Variants in SLC35F5 observed in about 807,000 individuals in gnomAD.
SLC35F5 encodes the protein solute carrier family 35 member F5.
Under a neutral mutation model 68.6 loss-of-function variants are expected in SLC35F5, and 54 were observed. The observed-to-expected ratio is 0.79, with a 90% CI of 0.63 to 0.99. The LOEUF is 0.99. Among genes scored for constraint, SLC35F5 ranks in the 50% least tolerant of loss-of-function variants. SLC35F5 has a pLI of 0.00. For synonymous variants in SLC35F5, 211 were observed against 205.2 expected, an observed-to-expected ratio of 1.03 and a Z score of -0.24; for missense variants, 567 against 626.9, an observed-to-expected ratio of 0.90 and a Z score of 1.02.
Position 113,719,284 on chromosome 2 carries a change from C to CA in SLC35F5, c.1365dup (p.Ala456CysfsTer20). On this transcript the variant is annotated frameshift_variant, in exon 14 of 16. Transcript: ENST00000245680. LOFTEE classifies it high-confidence loss of function. ...GAAAAAAATACAGGGATAGCTCCTG[C>CA]AAAAAATAACCAAGAAAACTGCACC... is the stretch of plus-strand genomic sequence containing the variant. 6.4e-7 allele frequency: 1 copy of CA among 1,555,410 alleles called. No homozygotes were observed. The highest frequency in any genetic ancestry group is 2.1e-5 in the Admixed American group (1 of 47,702).
At chr2:113,719,424 C>A in intron 13 of SLC35F5, 116 bp from the exon 14 acceptor site, 1 of 800,842 alleles carries the variant, frequency 1.2e-6, no homozygotes, top group Non-Finnish European at 1.9e-6. Context: ...AATGGGAAGA[C>A]AAAATTAAAC....
chr2:113,740,883 C>G (rs907415298), intron 7 of SLC35F5, among the ~76,000 whole-genome samples: 3 of 152,120 alleles, frequency 2.0e-5, no homozygotes, highest in African/African-American at 7.2e-5. Flanking sequence ...CCTCAGCCTC[C>G]CAAAGTGCTG....
chr2:113,725,525 A>C lies in SLC35F5; in HGVS notation c.1103T>G (p.Leu368Trp). The change falls in exon 12 of 16, where the codon TTG (leucine) becomes TGG (tryptophan). Residue 368 changes from leucine (L) to tryptophan (W), a missense_variant. Physicochemically the swap from Leu to Trp is moderately conservative, Grantham distance 61. Coordinates refer to ENST00000245680, the MANE Select transcript of SLC35F5 (RefSeq NM_025181.5). ...TGGCCATAAGAGCAGCAGATTAAACAAACCTACAAAACCTGAACATGTATA... is the reference window on the plus strand; with the variant it reads ...TGGCCATAAGAGCAGCAGATTAAACCAACCTACAAAACCTGAACATGTATA... ...DIPMFFGFVG[L>W]FNLLLLWPGF... 6.3e-7 allele frequency: 1 copy of C among 1,577,234 alleles called. No individual in the cohort carries two copies. The highest frequency in any genetic ancestry group is 1.2e-5 in the South Asian group (1 of 84,408).
chr2:113,754,167 G>C (rs934212481), intron 3 of SLC35F5, among the ~76,000 whole-genome samples: 3 of 151,896 alleles, frequency 2.0e-5, no homozygotes, highest in Non-Finnish European at 2.9e-5. Flanking sequence ...GGGTGTGCCT[G>C]TAATCCCAGC....
In SLC35F5 at chr2:113,756,386, G is replaced by T; in HGVS notation, c.24C>A (p.Arg8=). The stretch of plus-strand genomic sequence containing the variant: ...CCTGCCTACCTGGCCTTCCTGCCCC[G>T]CGATGGCGTCGTGGCGGCACCATGA... MVPPRRH[R]GAGRPGVLSS... is the part of the protein sequence containing the mutation. Residue 8 remains arginine, a synonymous_variant, in exon 1 of 16, where the codon CGC becomes CGA. Transcript: ENST00000245680. The T allele has an allele frequency of 6.4e-7, 1 of 1,568,622 alleles. No individual in the cohort carries two copies.
At chr2:113,735,709 T>TAC (rs1480482494) in intron 8 of SLC35F5, 68 bp downstream of exon 8, 1 of 1,004,176 alleles carries the variant, frequency 1.0e-6, no homozygotes, top group Non-Finnish European at 1.5e-6. Context: ...GTTGTACATG[T>TAC]ACACACATAT....
Position 113,713,883 on chromosome 2 carries a change from GTAAC to G in SLC35F5, c.*1331_*1334del. The G allele has an allele frequency of 6.6e-6, 1 of 152,136 alleles. No homozygotes were observed. The highest frequency in any genetic ancestry group is 2.4e-5 in the African/African-American group (1 of 41,498). The allele number at this position is 152,136 out of a possible 1,614,324, so 9.4% of individuals were successfully genotyped here. ...GGCTAAACTTCATTTTAGACTCATG[GTAAC>G]ACCAAAGCAATTTTAAGAATGTGAA... On this transcript the variant is annotated 3_prime_UTR_variant, in exon 16 of 16. Transcript: ENST00000245680.
downstream of SLC35F5, among the ~76,000 whole-genome samples, chr2:113,704,352 C>T (rs6724080): frequency 0.48 from 73,713 of 152,126 alleles, 18,510 homozygotes; most frequent in Middle Eastern, 0.67. Context: ...GGAGCCCAGC[C>T]GGCTTCACCC....
At chr2:113,740,346 TTG>T (rs1486860284) in intron 7 of SLC35F5, among the ~76,000 whole-genome samples, 1 of 152,148 alleles carries the variant, frequency 6.6e-6, no homozygotes, top group Non-Finnish European at 1.5e-5. Context: ...ACACAGCTTA[TTG>T]TCTGTTAAAA....
rs1445196059 is a variant in SLC35F5 at position 113,709,907 on chromosome 2, G to A, written c.*5311C>T. On this transcript the variant is annotated 3_prime_UTR_variant, in exon 16 of 16. Transcript: ENST00000245680. ...ACTCACTGCAGCCTCGAACTCCTGG[G>A]TTCAAGTGATCCTCCTGCCTCAGAC... is the stretch of plus-strand genomic sequence containing the variant. Among the ~76,000 whole-genome samples, 1 of 152,180 alleles carries A rather than the reference G, an allele frequency of 6.6e-6. No homozygotes were observed. The highest frequency in any genetic ancestry group is 1.5e-5 in the Non-Finnish European group (1 of 68,028).
chr2:113,725,700 C>G, intron 11 of SLC35F5, 163 bp from the exon 12 acceptor site: 1 of 540,680 alleles, frequency 1.8e-6, no homozygotes, highest in Non-Finnish European at 3.2e-6. Flanking sequence ...GTGAATAGCT[C>G]AACGCCATAG....
In SLC35F5 at chr2:113,742,894, C is replaced by T; in HGVS notation, c.563-15G>A. 1 of 1,597,578 alleles carries T rather than the reference C, an allele frequency of 6.3e-7. No individual in the cohort carries two copies. On this transcript the variant is annotated splice_polypyrimidine_tract_variant and intron_variant, in intron 6 of 15. Transcript: ENST00000245680. The stretch of plus-strand genomic sequence containing the variant: ...CTTTTTGGGGGCTTAAAAGGAAGAG[C>T]ATAATATGAAATAATTAAATAATTC...
intron 5 of SLC35F5, among the ~76,000 whole-genome samples, chr2:113,744,630 A>G (rs1353650885): frequency 2.0e-5 from 3 of 152,138 alleles, no homozygotes; most frequent in Non-Finnish European, 4.4e-5. Flanking sequence ...GTGTGCCTGT[A>G]ATCCCAGCTA....
At chr2:113,749,371 A>G (rs13410586) in intron 4 of SLC35F5, among the ~76,000 whole-genome samples, 22,173 of 152,102 alleles carry the variant, frequency 0.15, 1,747 homozygotes, top group African/African-American at 0.2. Context: ...GTGGTGTTGC[A>G]TGGCTACGTA....
At chr2:113,755,628 C>A in intron 1 of SLC35F5, 84 bp from the exon 2 acceptor site, 2 of 1,319,300 alleles carry the variant, frequency 1.5e-6, no homozygotes, top group South Asian at 1.2e-5. Context: ...TCTTCATCTT[C>A]AAACTCAAAG....
chr2:113,740,020 T>C (rs550702739), intron 7 of SLC35F5, among the ~76,000 whole-genome samples: 13 of 152,310 alleles, frequency 8.5e-5, no homozygotes, highest in Non-Finnish European at 1.3e-4. Context: ...CATCCTCATG[T>C]TGTGTAAGAA....
chr2:113,756,361 C>A lies in SLC35F5; in HGVS notation c.40+9G>T. 1.3e-6 allele frequency: 2 copies of A among 1,571,598 alleles called. No individual in the cohort carries two copies. The highest frequency in any genetic ancestry group is 1.7e-6 in the Non-Finnish European group (2 of 1,159,074). On this transcript the variant is annotated intron_variant, in intron 1 of 15. Transcript: ENST00000245680. ...CCGGTGATGTCGGGGCCCTTCCCTG[C>A]CTGCCTACCTGGCCTTCCTGCCCCG...
Position 113,711,747 on chromosome 2 carries a change from A to C in SLC35F5, c.*3471T>G, listed in dbSNP as rs1559305791. 6.6e-6 allele frequency among the ~76,000 whole-genome samples: 1 copy of C among 152,150 alleles called. No individual in the cohort carries two copies. The highest frequency in any genetic ancestry group is 1.5e-5 in the Non-Finnish European group (1 of 68,032). On this transcript the variant is annotated 3_prime_UTR_variant, in exon 16 of 16. Transcript: ENST00000245680. Reference sequence around the variant, plus strand: ...TAATTATTTCTGTTAACTCCTCCTAAAATATTATTTAGTAATAAAGAATAT... The same window carrying C: ...TAATTATTTCTGTTAACTCCTCCTACAATATTATTTAGTAATAAAGAATAT...
intron 12 of SLC35F5, 38 bp downstream of exon 12, chr2:113,725,340 A>C: frequency 6.4e-7 from 1 of 1,565,874 alleles, no homozygotes; most frequent in Non-Finnish European, 8.6e-7. Context: ...TCCAAAAATT[A>C]ATCAACTGAT....
Sources: allele counts gnomAD v4.1 joint callset (sites outside exome capture counted in the v4.1 genomes callset), GRCh38; gene constraint gnomAD v4.1.1; transcripts MANE v1.5; gene names NCBI Gene and HGNC (gene_info 2026-07-23, HGNC 2026-07-21).